The following NDST3 variants were observed in gnomAD, a reference collection of about 807,000 sequenced individuals.
NDST3 encodes the protein N-deacetylase and N-sulfotransferase 3, also known as bifunctional heparan sulfate N-deacetylase/N-sulfotransferase 3.
NDST3 carries 58 observed loss-of-function variants against 96.1 expected under a neutral mutation model. The ratio of observed to expected loss-of-function variants is 0.60; its 90% CI spans 0.49 to 0.75. The LOEUF is 0.75. Ranked by LOEUF, NDST3 falls within the 30% of genes least tolerant of loss-of-function variation. The pLI, the probability that NDST3 is intolerant of heterozygous loss-of-function variation, is 0.00. For missense variants in NDST3, 788 were observed against 1,034.2 expected (o/e 0.76, Z 3.27); for synonymous variants, 333 against 359.7 (o/e 0.93, Z 0.84).
At chr4:118,235,997 C>T (rs1257751463) in intron 9 of NDST3, among the ~76,000 whole-genome samples, 2 of 152,124 alleles carry the variant, frequency 1.3e-5, no homozygotes, top group Non-Finnish European at 2.9e-5. Flanking sequence ...CTATGAACAT[C>T]TCATGTGATC....
chr4:118,047,020 C>T (rs899475886), intron 1 of NDST3, among the ~76,000 whole-genome samples: 9 of 152,190 alleles, frequency 5.9e-5, no homozygotes, highest in Admixed American at 2.6e-4. Flanking sequence ...CTCTCCCTGC[C>T]CACTGCAGAG....
intron 2 of NDST3, among the ~76,000 whole-genome samples, chr4:118,066,225 T>A (rs1351019736): frequency 1.5e-5 from 1 of 66,550 alleles, no homozygotes; most frequent in Non-Finnish European, 2.6e-5. Flanking sequence ...CATAATATAT[T>A]ATATATATTA....
intron 6 of NDST3, among the ~76,000 whole-genome samples, chr4:118,164,151 C>T (rs1735389939): frequency 6.6e-6 from 1 of 152,134 alleles, no homozygotes; most frequent in Non-Finnish European, 1.5e-5. Context: ...CCATGGAATA[C>T]AATGCAGCCA....
In NDST3 at chr4:118,053,895, G is replaced by A; in HGVS notation, c.-16G>A. 1 of 1,566,580 alleles carries A rather than the reference G, an allele frequency of 6.4e-7. No homozygotes were observed. The highest frequency in any genetic ancestry group is 8.6e-7 in the Non-Finnish European group (1 of 1,157,006). On this transcript the variant is annotated 5_prime_UTR_variant, in exon 2 of 14. Transcript: ENST00000296499. ...ATGGTGCTTCTGTTGGCATAGTTGG[G>A]GAAAGCACCTACAACATGAGTTTTA...
At chr4:118,114,046 C>A (rs988725402) in intron 3 of NDST3, among the ~76,000 whole-genome samples, 1 of 151,858 alleles carries the variant, frequency 6.6e-6, no homozygotes, top group Non-Finnish European at 1.5e-5. Context: ...AAAATGAGTT[C>A]AAGTATGAAA....
intron 2 of NDST3, among the ~76,000 whole-genome samples, chr4:118,104,084 A>G (rs1729973989): frequency 6.6e-6 from 1 of 152,182 alleles, no homozygotes; most frequent in Admixed American, 6.5e-5. Context: ...TAATTAAGAA[A>G]ATAAGATTTA....
chr4:118,196,597 T>G (rs554204331), intron 6 of NDST3, among the ~76,000 whole-genome samples: 1 of 152,282 alleles, frequency 6.6e-6, no homozygotes, highest in South Asian at 2.1e-4. Context: ...ATCTAGGAAT[T>G]TGCCCATTTC....
At chr4:118,249,809 A>G (rs1390361379) in intron 12 of NDST3, among the ~76,000 whole-genome samples, 1 of 152,132 alleles carries the variant, frequency 6.6e-6, no homozygotes, top group Admixed American at 6.5e-5. Context: ...TATAATTTAC[A>G]TATAATCACC....
chr4:118,086,463 A>T (rs1319822465), intron 2 of NDST3, among the ~76,000 whole-genome samples: 2 of 151,900 alleles, frequency 1.3e-5, no homozygotes, highest in African/African-American at 4.8e-5. Flanking sequence ...TTCAGACACC[A>T]CCCACCCGCC....
At chr4:118,069,809 T>C (rs1726899960) in intron 2 of NDST3, among the ~76,000 whole-genome samples, 1 of 58,960 alleles carries the variant, frequency 1.7e-5, no homozygotes, top group African/African-American at 3.1e-5. Context: ...GTGTTTGTTT[T>C]TGACCAGTTA....
intron 2 of NDST3, 196 bp downstream of exon 2, chr4:118,055,087 T>G (rs961404977): frequency 1.4e-6 from 1 of 698,600 alleles, no homozygotes; most frequent in African/African-American, 1.8e-5. Flanking sequence ...AAATAAAGAT[T>G]TTACTAAAAG....
At chr4:118,128,849 G>A (rs1352765073) in intron 4 of NDST3, among the ~76,000 whole-genome samples, 2 of 151,880 alleles carry the variant, frequency 1.3e-5, no homozygotes, top group Admixed American at 6.6e-5. Context: ...GTTTTATTAT[G>A]TCTTCAATCT....
At chr4:118,066,068 T>G (rs1422238795) in intron 2 of NDST3, among the ~76,000 whole-genome samples, 3 of 113,046 alleles carry the variant, frequency 2.7e-5, no homozygotes, top group Non-Finnish European at 5.1e-5. Context: ...AAATATATAT[T>G]TTATATATAA....
chr4:118,206,295 G>A lies in NDST3; in HGVS notation c.1540-18196G>A, dbSNP rs1209952675. Among the ~76,000 whole-genome samples, 3 of 144,826 alleles carry A rather than the reference G, an allele frequency of 2.1e-5. 1 individual carries two copies. Among genetic ancestry groups the A allele is most frequent in the South Asian group, 2.3e-4 (1 of 4,340 alleles). ...ATAGAAGTATTTATTTATTCTGAGT[G>A]TACACTATTAATTAGCAAAACAAAG... On this transcript the variant is annotated intron_variant, in intron 6 of 13. Coordinates refer to ENST00000296499, the MANE Select transcript of NDST3 (RefSeq NM_004784.3).
At chr4:118,192,430 T>G (rs988530823) in intron 6 of NDST3, among the ~76,000 whole-genome samples, 4 of 152,194 alleles carry the variant, frequency 2.6e-5, no homozygotes, top group Non-Finnish European at 5.9e-5. Flanking sequence ...CAGGTTTAAG[T>G]CTTTAATCCA....
chr4:118,129,449 T>G (rs1384704586), intron 4 of NDST3, among the ~76,000 whole-genome samples: 3 of 152,048 alleles, frequency 2.0e-5, no homozygotes, highest in Non-Finnish European at 4.4e-5. Context: ...ATTGACCCAC[T>G]GATCATTCAA....
At chr4:118,231,508 A>C (rs1740295479) in intron 8 of NDST3, among the ~76,000 whole-genome samples, 1 of 151,620 alleles carries the variant, frequency 6.6e-6, no homozygotes, top group African/African-American at 2.4e-5. Context: ...TAATAAAGAA[A>C]GCTTACCTGA....
At chr4:118,204,588 C>T (rs1463542786) in intron 6 of NDST3, among the ~76,000 whole-genome samples, 5 of 144,688 alleles carry the variant, frequency 3.5e-5, no homozygotes, top group African/African-American at 1.3e-4. Flanking sequence ...GAGTAGGTTA[C>T]TGTCTATTTA....
chr4:118,108,193 G>A (rs940491185), intron 3 of NDST3, among the ~76,000 whole-genome samples: 2 of 152,138 alleles, frequency 1.3e-5, no homozygotes, highest in African/African-American at 4.8e-5. Context: ...TTGACACATG[G>A]GGATTATTAC....
Sources: gnomAD v4.1 joint callset for allele counts (sites outside exome capture counted in the v4.1 genomes callset) on GRCh38, gnomAD v4.1.1 for gene constraint, MANE v1.5 for transcripts, NCBI Gene and HGNC (gene_info 2026-07-23, HGNC 2026-07-21) for gene names.